Variants in THSD7B observed in about 807,000 individuals in gnomAD.
THSD7B encodes thrombospondin type-1 domain-containing protein 7B.
A neutral mutation model predicts 213.6 loss-of-function variants in THSD7B; 138 were observed. The observed-to-expected ratio is 0.65, with a 90% CI of 0.56 to 0.74. THSD7B has a LOEUF of 0.74. THSD7B is among the 30% of genes least tolerant of loss of function. THSD7B has a pLI of 0.00. For missense variants in THSD7B, 1,931 were observed against 1,991.5 expected (o/e 0.97, Z 0.58); for synonymous variants, 742 against 687.0 (o/e 1.08, Z -1.25).
At chr2:137,041,783 G>A (rs757629403) in intron 2 of THSD7B, among the ~76,000 whole-genome samples, 38 of 151,984 alleles carry the variant, frequency 2.5e-4, no homozygotes, top group Non-Finnish European at 4.1e-4. Flanking sequence ...ATAATGCTGT[G>A]TTCTAAAATT....
chr2:137,348,882 G>A lies in THSD7B; in HGVS notation c.2501-56731G>A, dbSNP rs545704428. Among the ~76,000 whole-genome samples the A allele has an allele frequency of 6.1e-4, 92 of 151,122 alleles. 1 individual carries two copies. Among genetic ancestry groups the A allele is most frequent in the African/African-American group, 2.2e-3 (89 of 41,306 alleles). On this transcript the variant is annotated intron_variant, in intron 12 of 27. Transcript: ENST00000409968. ...TTATGCATATAGATAGTATATACCT[G>A]GATGACAGGAGGAGGTTCACTTTTT...
chr2:137,466,734 C>A (rs541766908), intron 15 of THSD7B, among the ~76,000 whole-genome samples: 1 of 152,224 alleles, frequency 6.6e-6, no homozygotes, highest in African/African-American at 2.4e-5. Context: ...TAAAAGAAAC[C>A]TTAAGCCAAA....
chr2:137,213,247 G>A (rs1558960797), intron 7 of THSD7B, among the ~76,000 whole-genome samples: 1 of 150,754 alleles, frequency 6.6e-6, no homozygotes. Context: ...TATCAGGTAG[G>A]TATCTGACAC....
At chr2:137,641,577 G>A (rs1298926776) in intron 20 of THSD7B, among the ~76,000 whole-genome samples, 1 of 152,212 alleles carries the variant, frequency 6.6e-6, no homozygotes, top group Non-Finnish European at 1.5e-5. Flanking sequence ...AAGAACAAGA[G>A]TAGGAAAGAG....
chr2:137,643,456 A>G (rs921280684), intron 21 of THSD7B, among the ~76,000 whole-genome samples: 3 of 152,216 alleles, frequency 2.0e-5, no homozygotes, highest in African/African-American at 4.8e-5. Flanking sequence ...TTAAATGCCT[A>G]TGTATTTTAA....
At chr2:137,506,948 TAACA>T (rs1679850887) in intron 15 of THSD7B, among the ~76,000 whole-genome samples, 2 of 152,230 alleles carry the variant, frequency 1.3e-5, no homozygotes, top group Non-Finnish European at 2.9e-5. Flanking sequence ...TTGAAAGAAC[TAACA>T]ATCACATAAT....
Position 137,378,409 on chromosome 2 carries a change from A to G in THSD7B, c.2501-27204A>G, listed in dbSNP as rs146888831. ...CTCAGAGTGTATATTTATTTGGTCCAGTTTACAGGAGGGAGTAGTTGAGGA... is the reference window on the plus strand; with the variant it reads ...CTCAGAGTGTATATTTATTTGGTCCGGTTTACAGGAGGGAGTAGTTGAGGA... On this transcript the variant is annotated intron_variant, in intron 12 of 27. Coordinates refer to ENST00000409968, the MANE Select transcript of THSD7B (RefSeq NM_001316349.2). 5.1e-4 allele frequency among the ~76,000 whole-genome samples: 77 copies of G among 152,288 alleles called. 1 individual carries two copies. The East Asian group carries it at 0.014, about 28-fold the overall frequency.
chr2:136,864,408 TTC>T (rs1451128497), intron 1 of THSD7B, among the ~76,000 whole-genome samples: 1 of 152,220 alleles, frequency 6.6e-6, no homozygotes, highest in Non-Finnish European at 1.5e-5. Flanking sequence ...TCTCTCATAT[TTC>T]TACCATGCAA....
intron 17 of THSD7B, among the ~76,000 whole-genome samples, chr2:137,596,645 C>A (rs973606511): frequency 2.6e-5 from 4 of 151,872 alleles, no homozygotes; most frequent in African/African-American, 9.7e-5. Flanking sequence ...TAAATGGCTT[C>A]TTTTATTCTT....
chr2:136,820,280 A>G (rs1427945351), intron 1 of THSD7B, among the ~76,000 whole-genome samples: 1 of 152,210 alleles, frequency 6.6e-6, no homozygotes, highest in Non-Finnish European at 1.5e-5. Context: ...TCCAGAGATC[A>G]TTTACTAATT....
At chr2:137,089,084 G>A (rs1206711399) in intron 3 of THSD7B, among the ~76,000 whole-genome samples, 2 of 152,076 alleles carry the variant, frequency 1.3e-5, no homozygotes, top group Non-Finnish European at 2.9e-5. Flanking sequence ...AGAACTAAAA[G>A]TAGAACTATG....
intron 1 of THSD7B, among the ~76,000 whole-genome samples, chr2:136,871,937 T>C (rs573453733): frequency 6.6e-6 from 1 of 152,308 alleles, no homozygotes; most frequent in East Asian, 1.9e-4. Context: ...ATTACTCTAC[T>C]TCTCATGTAT....
At chr2:137,060,010 A>G (rs973952308) in intron 3 of THSD7B, among the ~76,000 whole-genome samples, 1 of 152,008 alleles carries the variant, frequency 6.6e-6, no homozygotes, top group Admixed American at 6.6e-5. Context: ...TGGAAGTTCT[A>G]TTTTGTCACA....
chr2:137,349,821 C>T (rs1450018533), intron 12 of THSD7B, among the ~76,000 whole-genome samples: 1 of 151,758 alleles, frequency 6.6e-6, no homozygotes, highest in Non-Finnish European at 1.5e-5. Flanking sequence ...GTCATAACAA[C>T]ATGAGAACTA....
intron 4 of THSD7B, among the ~76,000 whole-genome samples, chr2:137,100,910 C>T (rs1355636182): frequency 6.6e-6 from 1 of 150,792 alleles, no homozygotes; most frequent in Non-Finnish European, 1.5e-5. Flanking sequence ...ATCTGTCTGT[C>T]ATTGGTTATG....
At chr2:136,823,902 G>C (rs1349557079) in intron 1 of THSD7B, among the ~76,000 whole-genome samples, 1 of 152,114 alleles carries the variant, frequency 6.6e-6, no homozygotes, top group African/African-American at 2.4e-5. Flanking sequence ...ATGATGAGCT[G>C]TGGTCCATGG....
intron 7 of THSD7B, among the ~76,000 whole-genome samples, chr2:137,187,854 T>C (rs532562280): frequency 2.0e-5 from 3 of 152,328 alleles, no homozygotes; most frequent in Non-Finnish European, 4.4e-5. Flanking sequence ...ATTTTACTTA[T>C]TTTTAATTTT....
At chr2:136,874,943 A>G (rs1330503975) in intron 1 of THSD7B, among the ~76,000 whole-genome samples, 1 of 152,148 alleles carries the variant, frequency 6.6e-6, no homozygotes, top group East Asian at 1.9e-4. Flanking sequence ...TTACAAACAG[A>G]GGAGTGGAAT....
At chr2:137,315,742 A>G (rs947675491) in intron 12 of THSD7B, among the ~76,000 whole-genome samples, 14 of 152,198 alleles carry the variant, frequency 9.2e-5, no homozygotes, top group African/African-American at 4.8e-5. Context: ...TGCAGTAGAG[A>G]TAGAGTGTTT....
Sources: allele counts gnomAD v4.1 joint callset (sites outside exome capture counted in the v4.1 genomes callset), GRCh38; gene constraint gnomAD v4.1.1; transcripts MANE v1.5; gene names NCBI Gene and HGNC (gene_info 2026-07-23, HGNC 2026-07-21).